The following FRMD4A variants were observed in gnomAD, a reference collection of about 807,000 sequenced individuals.
FRMD4A encodes FERM domain containing 4A, also known as FERM domain-containing protein 4A.
FRMD4A carries 29 observed loss-of-function variants against 129.1 expected under a neutral mutation model. The ratio of observed to expected loss-of-function variants is 0.22; its 90% CI spans 0.17 to 0.31. The LOEUF (loss-of-function observed/expected upper bound fraction) is 0.31, where lower values mean the gene tolerates loss of function less well. Ranked by LOEUF, FRMD4A falls within the 10% of genes least tolerant of loss-of-function variation. The pLI, the probability that FRMD4A is intolerant of heterozygous loss-of-function variation, is 1.00. For synonymous variants in FRMD4A, 634 were observed against 571.6 expected, an observed-to-expected ratio of 1.11 and a Z score of -1.56; for missense variants, 1,272 against 1,375.8, an observed-to-expected ratio of 0.92 and a Z score of 1.19.
At chr10:13,809,307 C>G (rs767291988) in intron 4 of FRMD4A, among the ~76,000 whole-genome samples, 1 of 152,168 alleles carries the variant, frequency 6.6e-6, no homozygotes, top group Non-Finnish European at 1.5e-5. Flanking sequence ...AATCAGGCCT[C>G]CTCTAGAGTT....
intron 2 of FRMD4A, among the ~76,000 whole-genome samples, chr10:13,941,750 G>T (rs188025379): frequency 5.9e-5 from 9 of 152,138 alleles, no homozygotes; most frequent in East Asian, 3.9e-4. Flanking sequence ...GCTAAACAAG[G>T]CTCCTAAAAA....
chr10:13,997,742 C>T (rs773869504), intron 2 of FRMD4A, among the ~76,000 whole-genome samples: 17 of 151,708 alleles, frequency 1.1e-4, no homozygotes, highest in Non-Finnish European at 2.2e-4. Flanking sequence ...TCCATCTCAG[C>T]CCCCAGAGTA....
intron 2 of FRMD4A, among the ~76,000 whole-genome samples, chr10:14,323,616 T>C (rs886479283): frequency 2.6e-5 from 4 of 152,140 alleles, no homozygotes; most frequent in African/African-American, 9.7e-5. Flanking sequence ...TCTGATAAAA[T>C]AGCATCCTCC....
In FRMD4A at chr10:13,707,069, C is replaced by A; in HGVS notation, c.804G>T (p.Lys268Asn). 1 of 1,597,648 alleles carries A rather than the reference C, an allele frequency of 6.3e-7. No individual in the cohort carries two copies. The highest frequency in any genetic ancestry group is 8.6e-7 in the Non-Finnish European group (1 of 1,165,022). The change falls in exon 13 of 25, where the codon AAG becomes AAT. Residue 268 changes from lysine to asparagine, a missense_variant. Around this residue, in one of 2 missense-constraint regions of FRMD4A, gnomAD observed 300 missense variants for 483.6 expected, o/e 0.62. Coordinates refer to ENST00000357447, the MANE Select transcript of FRMD4A (RefSeq NM_018027.5). Reference sequence around the variant, plus strand: ...GGTCATGAACTTCCACGGAAAACTTCTTTTCTCTGAAGTACAGGTTTTCCA... The same window carrying A: ...GGTCATGAACTTCCACGGAAAACTTATTTTCTCTGAAGTACAGGTTTTCCA... ...RQLENLYFREKKFSVEVHDPR... is the reference protein window; with the variant it reads ...RQLENLYFRENKFSVEVHDPR...
chr10:13,918,570 C>T (rs1341446740), intron 2 of FRMD4A, among the ~76,000 whole-genome samples: 2 of 152,102 alleles, frequency 1.3e-5, no homozygotes, highest in East Asian at 3.9e-4. Context: ...ACTCTGTCGC[C>T]CAGGCTGGAG....
In FRMD4A at chr10:14,275,473, C is replaced by T. The variant is rs559566094; in HGVS notation, c.45+54585G>A. ...CCATAAGCACCCACATGGTTGGTGG[C>T]TATCTGAATATTTTAAGGCTAGGCA... On this transcript the variant is annotated intron_variant, in intron 2 of 24. Transcript: ENST00000357447. Among the ~76,000 whole-genome samples, 7 of 152,236 alleles carry T rather than the reference C, an allele frequency of 4.6e-5. No individual in the cohort carries two copies. In the South Asian group the frequency reaches 6.2e-4, roughly 14 times the overall value.
At chr10:13,683,280 G>T (rs1167477687) in intron 15 of FRMD4A, among the ~76,000 whole-genome samples, 1 of 152,190 alleles carries the variant, frequency 6.6e-6, no homozygotes, top group African/African-American at 2.4e-5. Context: ...CCGGGAGGCA[G>T]AAGAGAGCAG....
rs372420987 is a variant in FRMD4A at position 14,110,125 on chromosome 10, T to TTAAAAAAAAAAAAAAAAAAAAAAAAAA, written c.45+219932_45+219933insTTTTTTTTTTTTTTTTTTTTTTTTTTA. 2.6e-4 allele frequency among the ~76,000 whole-genome samples: 23 copies of TTAAAAAAAAAAAAAAAAAAAAAAAAAA among 89,554 alleles called. 6 individuals carry two copies. The highest frequency in any genetic ancestry group is 1.0e-3 in the African/African-American group (22 of 21,524). The allele number at this position is 89,554 out of a possible 152,430, so 58.8% of individuals were successfully genotyped here. A position where few individuals can be genotyped will look rare whatever the true frequency, so the allele number is the denominator to read the frequency against. ...GGCTGGGCAACAAAGCGAGATGCTG[T>TTAAAAAAAAAAAAAAAAAAAAAAAAAA]AAAAAAAAAAAAAAAAAAAAAAGCT... is the stretch of plus-strand genomic sequence containing the variant. On this transcript the variant is annotated intron_variant, in intron 2 of 24. Transcript: ENST00000357447.
intron 2 of FRMD4A, among the ~76,000 whole-genome samples, chr10:13,889,382 C>T (rs2094667398): frequency 6.6e-6 from 1 of 152,208 alleles, no homozygotes; most frequent in Non-Finnish European, 1.5e-5. Context: ...GATGTCTTTC[C>T]CTTTGACCTC....
chr10:14,164,714 G>T (rs1841084676), intron 2 of FRMD4A, among the ~76,000 whole-genome samples: 1 of 152,104 alleles, frequency 6.6e-6, no homozygotes, highest in Non-Finnish European at 1.5e-5. Flanking sequence ...TCAACCTCTT[G>T]GAGCCATGGT....
chr10:14,236,086 C>T (rs1225446596), intron 2 of FRMD4A, among the ~76,000 whole-genome samples: 3 of 152,214 alleles, frequency 2.0e-5, no homozygotes, highest in Non-Finnish European at 4.4e-5. Flanking sequence ...CTCTTTGAGC[C>T]TTTCTTTCCT....
chr10:13,922,950 G>C (rs1221697795), intron 2 of FRMD4A, among the ~76,000 whole-genome samples: 1 of 152,210 alleles, frequency 6.6e-6, no homozygotes, highest in African/African-American at 2.4e-5. Flanking sequence ...AAGCAACTGT[G>C]AGTAGTTCAT....
chr10:13,733,915 T>C (rs1266521303), intron 12 of FRMD4A, among the ~76,000 whole-genome samples: 1 of 152,212 alleles, frequency 6.6e-6, no homozygotes, highest in Non-Finnish European at 1.5e-5. Flanking sequence ...CTCCTCCCTC[T>C]GTCCAGTCTC....
intron 2 of FRMD4A, among the ~76,000 whole-genome samples, chr10:14,035,907 T>A (rs1833477592): frequency 6.6e-6 from 1 of 152,068 alleles, no homozygotes; most frequent in Non-Finnish European, 1.5e-5. Context: ...CCAGGCGTGG[T>A]GGTTGGCGCC....
chr10:14,162,784 G>A (rs1840977173), intron 2 of FRMD4A, among the ~76,000 whole-genome samples: 4 of 151,964 alleles, frequency 2.6e-5, no homozygotes, highest in Admixed American at 2.0e-4. Flanking sequence ...GCTATGCACA[G>A]CATAGAGTAA....
intron 2 of FRMD4A, among the ~76,000 whole-genome samples, chr10:13,924,780 G>A (rs1010906057): frequency 3.9e-5 from 6 of 152,086 alleles, no homozygotes; most frequent in African/African-American, 1.4e-4. Flanking sequence ...CTGTCATAGT[G>A]TGTTCAGCAG....
chr10:13,650,252 G>A (rs778898680), intron 24 of FRMD4A, among the ~76,000 whole-genome samples: 1 of 152,256 alleles, frequency 6.6e-6, no homozygotes, highest in East Asian at 1.9e-4. Context: ...GAACCAACTG[G>A]TGGCACATAC....
intron 2 of FRMD4A, among the ~76,000 whole-genome samples, chr10:14,185,723 A>G (rs1366515419): frequency 6.6e-6 from 1 of 152,204 alleles, no homozygotes; most frequent in Non-Finnish European, 1.5e-5. Context: ...GTAGTTCTAG[A>G]GAGAAGGGAT....
chr10:14,120,195 C>T (rs1291069339), intron 2 of FRMD4A, among the ~76,000 whole-genome samples: 1 of 152,026 alleles, frequency 6.6e-6, no homozygotes, highest in Non-Finnish European at 1.5e-5. Context: ...TTCGGCCTAC[C>T]GACATCTGTT....
Sources: allele counts gnomAD v4.1 joint callset (sites outside exome capture counted in the v4.1 genomes callset), GRCh38; gene constraint gnomAD v4.1.1; regional missense constraint gnomAD v4.1.1; transcripts MANE v1.5; gene names NCBI Gene and HGNC (gene_info 2026-07-23, HGNC 2026-07-21).